Variants in M1AP observed in about 807,000 individuals in gnomAD.
The protein encoded by M1AP is meiosis 1 arrest protein.
In M1AP, 39 loss-of-function variants were observed where a neutral mutation model predicts 51.2. The ratio of observed to expected loss-of-function variants is 0.76; its 90% confidence interval spans 0.59 to 1.00. The LOEUF is 1.00. M1AP is among the 50% of genes least tolerant of loss of function. The probability of loss-of-function intolerance (pLI) is 0.00; values close to 1 mark genes in which losing one functional copy is unlikely to be tolerated. For missense variants in M1AP, 545 were observed against 641.2 expected (o/e 0.85, Z 1.62); for synonymous variants, 251 against 249.2 (o/e 1.01, Z -0.07).
At chr2:74,647,999 C>A in intron 1 of M1AP, 1 of 985,416 alleles carries the variant, frequency 1.0e-6, no homozygotes, top group Non-Finnish European at 1.2e-6. Flanking sequence ...GCAGCCCGGC[C>A]CTCGGGCCTG....
At chr2:74,627,012 T>G (rs1481348541) in intron 2 of M1AP, among the ~76,000 whole-genome samples, 2 of 152,212 alleles carry the variant, frequency 1.3e-5, no homozygotes, top group East Asian at 3.8e-4. Flanking sequence ...TTATAATTTT[T>G]GGGAATTGCA....
intron 4 of M1AP, among the ~76,000 whole-genome samples, chr2:74,597,534 A>G: frequency 6.6e-6 from 1 of 152,118 alleles, no homozygotes; most frequent in East Asian, 1.9e-4. Flanking sequence ...TTTATCTTCT[A>G]TGTTTGGGTT....
chr2:74,606,418 TAAAC>T (rs1215321913), intron 4 of M1AP, among the ~76,000 whole-genome samples: 3 of 152,200 alleles, frequency 2.0e-5, no homozygotes, highest in Admixed American at 2.0e-4. Flanking sequence ...CATTAGTGAT[TAAAC>T]AAATTATGGT....
intron 3 of M1AP, 55 bp from the exon 4 acceptor site, chr2:74,607,278 GAACAT>G (rs1681070745): frequency 1.3e-6 from 2 of 1,548,158 alleles, no homozygotes; most frequent in South Asian, 2.2e-5. Context: ...ACAGAGTGAG[GAACAT>G]AACAGTTCCT....
At chr2:74,647,294 C>T (rs867431640) in intron 1 of M1AP, 2 of 985,368 alleles carry the variant, frequency 2.0e-6, no homozygotes, top group East Asian at 1.1e-4. Flanking sequence ...ATCGGCTTCT[C>T]GCTGTGTCTG....
At chr2:74,622,782 G>A (rs1411555680) in intron 2 of M1AP, among the ~76,000 whole-genome samples, 1 of 151,870 alleles carries the variant, frequency 6.6e-6, no homozygotes, top group Non-Finnish European at 1.5e-5. Context: ...AACAATAGCA[G>A]TAATGTCTAA....
intron 1 of M1AP, among the ~76,000 whole-genome samples, chr2:74,643,670 T>C (rs1053374514): frequency 3.3e-5 from 5 of 150,710 alleles, no homozygotes; most frequent in Admixed American, 2.7e-4. Flanking sequence ...CTCAGCTCAC[T>C]GCAACCTCCA....
intron 3 of M1AP, among the ~76,000 whole-genome samples, chr2:74,612,086 G>T (rs1406369604): frequency 6.6e-6 from 1 of 151,054 alleles, no homozygotes; most frequent in Non-Finnish European, 1.5e-5. Context: ...AGTAGAGATG[G>T]GGTTTCACCG....
intron 8 of M1AP, among the ~76,000 whole-genome samples, chr2:74,561,247 GAGGAGGAGGAGGAGA>G (rs1677985517): frequency 1.3e-5 from 1 of 78,272 alleles, no homozygotes; most frequent in Non-Finnish European, 2.7e-5. Context: ...GGAGGAGGAG[GAGGAGGAGGAGGAGA>G]AGAAGAAAAA....
At position 74,576,431 on chromosome 2, in the gene M1AP, T is replaced by C. The variant is rs573428972; in HGVS notation, c.932+25A>G. 94 of 1,611,440 alleles carry C rather than the reference T, an allele frequency of 5.8e-5. No homozygotes were observed. In the African/African-American group the frequency reaches 7.2e-4, roughly 12 times the overall value. On this transcript the variant is annotated intron_variant, in intron 6 of 10. Coordinates refer to ENST00000421985, the MANE Select transcript of M1AP (RefSeq NM_001321739.2). ...CCACTAAGAATAGCATTTGCATGGATTGGGGAGGTTCCCTTGGACCATACT... is the reference window on the plus strand; with the variant it reads ...CCACTAAGAATAGCATTTGCATGGACTGGGGAGGTTCCCTTGGACCATACT...
At chr2:74,569,364 C>T (rs1678580052) in intron 7 of M1AP, among the ~76,000 whole-genome samples, 1 of 149,990 alleles carries the variant, frequency 6.7e-6, no homozygotes, top group Non-Finnish European at 1.5e-5. Context: ...CATGCACCTT[C>T]TCCCTCACTC....
rs111911173 is a variant in M1AP, at chr2:74,600,197, T to C, written c.595+6858A>G. ...CTGAAAAACCCTGGGAAAGTTATTATAGACAAGAAAATATGCCTTAGTTTT... is the reference window on the plus strand; with the variant it reads ...CTGAAAAACCCTGGGAAAGTTATTACAGACAAGAAAATATGCCTTAGTTTT... On this transcript the variant is annotated intron_variant, in intron 4 of 10. Transcript: ENST00000421985. Among the ~76,000 whole-genome samples, 4 of 152,322 alleles carry C rather than the reference T, an allele frequency of 2.6e-5. No homozygotes were observed. The South Asian group carries it at 8.3e-4, about 32-fold the overall frequency.
chr2:74,645,161 C>A (rs1025395508), intron 1 of M1AP, among the ~76,000 whole-genome samples: 2 of 152,118 alleles, frequency 1.3e-5, no homozygotes, highest in Non-Finnish European at 2.9e-5. Flanking sequence ...AAACTCCACA[C>A]ACGCCGCCTT....
chr2:74,611,494 T>C (rs1295368362), intron 3 of M1AP, among the ~76,000 whole-genome samples: 1 of 152,226 alleles, frequency 6.6e-6, no homozygotes, highest in Non-Finnish European at 1.5e-5. Flanking sequence ...ATAATAATCC[T>C]TTGTATTTTG....
At chr2:74,563,606 T>TAAAAAAAAAA (rs750014043) in intron 7 of M1AP, among the ~76,000 whole-genome samples, 3 of 54,618 alleles carry the variant, frequency 5.5e-5, no homozygotes, top group Admixed American at 2.1e-4. Context: ...TCTCAAAACA[T>TAAAAAAAAAA]AAAAAAAAAA....
intron 4 of M1AP, 30 bp downstream of exon 4, chr2:74,607,025 A>G (rs1418331667): frequency 6.2e-7 from 1 of 1,605,252 alleles, no homozygotes. Flanking sequence ...AATTCTTACA[A>G]TTCTTTTTAC....
chr2:74,579,933 G>A (rs1679303368), intron 5 of M1AP, among the ~76,000 whole-genome samples: 1 of 152,130 alleles, frequency 6.6e-6, no homozygotes, highest in Non-Finnish European at 1.5e-5. Flanking sequence ...TCGGCCTCCT[G>A]AGTAGCTGAG....
At chr2:74,638,031 T>G (rs1364459139) in intron 2 of M1AP, among the ~76,000 whole-genome samples, 1 of 152,022 alleles carries the variant, frequency 6.6e-6, no homozygotes, top group East Asian at 1.9e-4. Context: ...CTTAGAAACT[T>G]TCTCAAGGCA....
At chr2:74,583,255 G>A (rs1679520311) in intron 4 of M1AP, among the ~76,000 whole-genome samples, 1 of 152,078 alleles carries the variant, frequency 6.6e-6, no homozygotes, top group Admixed American at 6.5e-5. Flanking sequence ...AAAATTAAAA[G>A]GAAAAAAGAT....
Sources: allele counts gnomAD v4.1 joint callset (sites outside exome capture counted in the v4.1 genomes callset), GRCh38; gene constraint gnomAD v4.1.1; transcripts MANE v1.5; gene names NCBI Gene and HGNC (gene_info 2026-07-23, HGNC 2026-07-21).